MMP20: variants seen among roughly 807,000 people sequenced by gnomAD.
MMP20 encodes the protein matrix metalloproteinase-20.
In MMP20, 50 loss-of-function variants were observed where a neutral mutation model predicts 51.8. The observed-to-expected ratio is 0.97, with a 90% CI of 0.77 to 1.22. The LOEUF (loss-of-function observed/expected upper bound fraction) is 1.22, where lower values mean the gene tolerates loss of function less well. Among genes scored for constraint, MMP20 ranks in the 50% most tolerant of loss-of-function variants. The pLI is 0.00. For missense variants in MMP20, 663 were observed against 601.4 expected (o/e 1.10, Z -1.07); for synonymous variants, 244 against 216.2 (o/e 1.13, Z -1.13).
chr11:102,615,538 C>T (rs1304697382), intron 2 of MMP20, among the ~76,000 whole-genome samples: 1 of 152,116 alleles, frequency 6.6e-6, no homozygotes, highest in African/African-American at 2.4e-5. Flanking sequence ...TCTAGATGTG[C>T]TCATCCTAAA....
At chr11:102,589,959 C>A (rs576308316) in intron 8 of MMP20, among the ~76,000 whole-genome samples, 1 of 152,276 alleles carries the variant, frequency 6.6e-6, no homozygotes, top group Admixed American at 6.5e-5. Flanking sequence ...ACGTATTCTA[C>A]TTTGCAGCAA....
chr11:102,585,913 C>T (rs910968531), intron 8 of MMP20, among the ~76,000 whole-genome samples: 12 of 152,066 alleles, frequency 7.9e-5, no homozygotes, highest in Non-Finnish European at 1.5e-4. Flanking sequence ...TGGGACATTA[C>T]ATTAATTGAT....
intron 6 of MMP20, among the ~76,000 whole-genome samples, chr11:102,604,053 T>C (rs755932601): frequency 6.0e-5 from 9 of 151,072 alleles, no homozygotes; most frequent in Non-Finnish European, 1.3e-4. Flanking sequence ...AAGAAAACAA[T>C]GATCATTGAA....
intron 1 of MMP20, 82 bp from the exon 2 acceptor site, chr11:102,617,141 C>T: frequency 1.3e-6 from 2 of 1,520,332 alleles, no homozygotes; most frequent in Admixed American, 3.4e-5. Context: ...GACAGCATTC[C>T]TGATGTATTA....
chr11:102,594,879 CT>C (rs1387885098), intron 6 of MMP20, 122 bp from the exon 7 acceptor site: 2 of 1,231,110 alleles, frequency 1.6e-6, no homozygotes, highest in African/African-American at 3.1e-5. Context: ...TTGCTCTTGC[CT>C]TGCCTTGCCT....
At position 102,610,656 on chromosome 11, in the gene MMP20, A is replaced by T. The variant is rs545300765; in HGVS notation, c.524-626T>A. 3.8e-4 allele frequency among the ~76,000 whole-genome samples: 58 copies of T among 152,336 alleles called. 1 individual carries two copies. In the South Asian group the frequency reaches 0.011, roughly 29 times the overall value. On this transcript the variant is annotated intron_variant, in intron 3 of 9. Coordinates refer to ENST00000260228, the MANE Select transcript of MMP20 (RefSeq NM_004771.4). Reference sequence around the variant, plus strand: ...TTTTGTTTAATTATCTATTTTAACTAACAATTCATTACAAATTTAATAGAA... The same window carrying T: ...TTTTGTTTAATTATCTATTTTAACTTACAATTCATTACAAATTTAATAGAA...
At chr11:102,584,321 C>G (rs1859229969) in intron 8 of MMP20, among the ~76,000 whole-genome samples, 1 of 152,148 alleles carries the variant, frequency 6.6e-6, no homozygotes, top group South Asian at 2.1e-4. Context: ...TTATGGCATT[C>G]TAGTAGGTGT....
chr11:102,599,006 T>C, intron 6 of MMP20, among the ~76,000 whole-genome samples: 1 of 121,552 alleles, frequency 8.2e-6, no homozygotes, highest in African/African-American at 3.1e-5. Flanking sequence ...GGTGTCTTTC[T>C]TCTATCTTTT....
Position 102,598,539 on chromosome 11 carries a change from T to C in MMP20, c.954-3782A>G, listed in dbSNP as rs192288436. 2.4e-3 allele frequency among the ~76,000 whole-genome samples: 370 copies of C among 152,334 alleles called. 1 individual carries two copies. Among genetic ancestry groups the C allele is most frequent in the African/African-American group, 8.3e-3 (344 of 41,574 alleles). On this transcript the variant is annotated intron_variant, in intron 6 of 9. Coordinates refer to ENST00000260228, the MANE Select transcript of MMP20 (RefSeq NM_004771.4). Reference sequence around the variant, plus strand: ...AAATGAACGGGTGCCAGAGAGATGATTGGAACTTACCTGATCAACAAGTTT... The same window carrying C: ...AAATGAACGGGTGCCAGAGAGATGACTGGAACTTACCTGATCAACAAGTTT...
At chr11:102,600,006 C>T (rs1223847056) in intron 6 of MMP20, among the ~76,000 whole-genome samples, 1 of 152,220 alleles carries the variant, frequency 6.6e-6, no homozygotes, top group Non-Finnish European at 1.5e-5. Flanking sequence ...CCCCTCCTCT[C>T]TCAGAATCAG....
At chr11:102,604,822 G>A (rs1362288522) in intron 6 of MMP20, among the ~76,000 whole-genome samples, 1 of 152,176 alleles carries the variant, frequency 6.6e-6, no homozygotes, top group Non-Finnish European at 1.5e-5. Context: ...AATTTTGTGA[G>A]TGAAAAAGTT....
Position 102,611,844 on chromosome 11 carries a change from G to C in MMP20, c.434C>G (p.Ala145Gly), listed in dbSNP as rs763177807. 5 of 1,614,066 alleles carry C rather than the reference G, an allele frequency of 3.1e-6. No homozygotes were observed. In the South Asian group the frequency reaches 3.3e-5, roughly 11 times the overall value. Residue 145 changes from alanine to glycine, a missense_variant, in exon 3 of 10, where the codon GCC (alanine) becomes GGC (glycine). Ala to Gly is a moderately conservative substitution (Grantham distance 60). Transcript: ENST00000260228. ...SVEVDKAVEM[A>G]LQAWSSAVPL... is the part of the protein sequence containing the mutation. ...GACGGCGCTACTCCAGGCCTGCAAG[G>C]CCATCTCCACTGCTTTGTCCACCTC...
intron 2 of MMP20, among the ~76,000 whole-genome samples, chr11:102,613,518 A>C (rs911086345): frequency 6.6e-6 from 1 of 152,224 alleles, no homozygotes; most frequent in East Asian, 1.9e-4. Context: ...ACCTGTGATA[A>C]TTACCTAGGA....
At chr11:102,591,150 AG>A (rs1656449900) in intron 8 of MMP20, among the ~76,000 whole-genome samples, 1 of 152,348 alleles carries the variant, frequency 6.6e-6, no homozygotes, top group Admixed American at 6.5e-5. Context: ...TGCAGAATTC[AG>A]GGGTGTTTAT....
intron 6 of MMP20, among the ~76,000 whole-genome samples, chr11:102,598,322 G>A (rs1591614416): frequency 6.6e-6 from 1 of 152,140 alleles, no homozygotes; most frequent in Non-Finnish European, 1.5e-5. Context: ...GCTGCAGGAT[G>A]TATTGGAATG....
intron 5 of MMP20, among the ~76,000 whole-genome samples, chr11:102,608,464 A>C (rs1010835081): frequency 1.3e-5 from 2 of 152,188 alleles, no homozygotes; most frequent in Non-Finnish European, 2.9e-5. Context: ...TTCACACCCC[A>C]CAGGTTGGTT....
At chr11:102,594,488 A>T in intron 7 of MMP20, 133 bp downstream of exon 7, 2 of 1,185,414 alleles carry the variant, frequency 1.7e-6, no homozygotes, top group Non-Finnish European at 2.4e-6. Flanking sequence ...GGCATTTCAT[A>T]CCCAACCTGA....
At chr11:102,617,658 C>G (rs1172210927) in intron 1 of MMP20, among the ~76,000 whole-genome samples, 1 of 152,154 alleles carries the variant, frequency 6.6e-6, no homozygotes, top group Non-Finnish European at 1.5e-5. Context: ...GATTTTGTTT[C>G]CATGAGACAA....
intron 3 of MMP20, among the ~76,000 whole-genome samples, chr11:102,610,260 C>A (rs577621926): frequency 6.6e-6 from 1 of 152,136 alleles, no homozygotes; most frequent in African/African-American, 2.4e-5. Context: ...TAAAAAAACA[C>A]CTGTTTTGGG....
Sources: allele counts gnomAD v4.1 joint callset (sites outside exome capture counted in the v4.1 genomes callset), GRCh38; gene constraint gnomAD v4.1.1; transcripts MANE v1.5; gene names NCBI Gene and HGNC (gene_info 2026-07-23, HGNC 2026-07-21).